MTCL1: variants seen among roughly 807,000 people sequenced by gnomAD.
MTCL1 encodes the protein microtubule crosslinking factor 1.
Under a neutral mutation model 141.4 loss-of-function variants are expected in MTCL1, and 79 were observed. The ratio of observed to expected loss-of-function variants is 0.56; its 90% CI spans 0.47 to 0.67. The LOEUF (loss-of-function observed/expected upper bound fraction) is 0.67. Among genes scored for constraint, MTCL1 ranks in the 30% least tolerant of loss-of-function variants. MTCL1 has a pLI of 0.00. For missense variants in MTCL1, 2,177 were observed against 2,113.9 expected (o/e 1.03, Z -0.59); for synonymous variants, 914 against 875.8 (o/e 1.04, Z -0.77).
At chr18:8,785,013 T>G (rs1488643996) in intron 6 of MTCL1, among the ~76,000 whole-genome samples, 170 bp downstream of exon 5, 3 of 71,702 alleles carry the variant, frequency 4.2e-5, no homozygotes, top group Non-Finnish European at 1.2e-4. Context: ...TTGGGCTCCG[T>G]TTTTTTTGTT....
intron 10 of MTCL1, among the ~76,000 whole-genome samples, chr18:8,799,922 T>C (rs1447534228): frequency 6.6e-6 from 1 of 152,228 alleles, no homozygotes; most frequent in African/African-American, 2.4e-5. Context: ...TTTTAGCGAT[T>C]ACCCACGAAA....
Position 8,828,938 on chromosome 18 carries a change from G to A in MTCL1, c.4753G>A (p.Gly1585Arg). The A allele has an allele frequency of 6.2e-7, 1 of 1,614,112 alleles. No homozygotes were observed. Among genetic ancestry groups the A allele is most frequent in the Non-Finnish European group, 8.5e-7 (1 of 1,180,036 alleles). The change falls in exon 16 of 17, where the codon GGA becomes AGA. Residue 1585 changes from glycine (G) to arginine (R), a missense_variant. Gly to Arg is a moderately radical substitution (Grantham distance 125, BLOSUM62 -2). Coordinates refer to ENST00000359865, the Ensembl canonical transcript of MTCL1. This position sits in a 1 kb window ranked among gnomAD's most constrained non-coding sequence, Gnocchi z 5.2. Reference sequence around the variant, plus strand: ...AACTGTCTTGCTAACTGCCCCCTGGGGACTCTAGCCCTGCCCGCCTCACGC... The same window carrying A: ...AACTGTCTTGCTAACTGCCCCCTGGAGACTCTAGCCCTGCCCGCCTCACGC...
upstream of MTCL1, among the ~76,000 whole-genome samples, chr18:8,716,059 A>T (rs2148790383): frequency 6.6e-6 from 1 of 152,342 alleles, no homozygotes; most frequent in African/African-American, 2.4e-5. Context: ...TCCATGGAGG[A>T]AAAAAGAAAT....
chr18:8,786,017 C>A lies in MTCL1; in HGVS notation c.1813C>A (p.Arg605=), dbSNP rs373316781. The change falls in exon 7 of 17, where the codon CGG becomes AGG. Residue 605 remains arginine, a synonymous_variant. Coordinates refer to ENST00000359865, the Ensembl canonical transcript of MTCL1. ...GGAGAGCCTGCGCCTCCGAGCCGCG[C>A]GGGAGCTGCACCGCCGCGCAGACGG... The A allele has an allele frequency of 9.3e-5, 147 of 1,584,090 alleles. No homozygotes were observed. The African/African-American group carries it at 1.8e-3, about 19-fold the overall frequency.
intron 4 of MTCL1, among the ~76,000 whole-genome samples, chr18:8,750,608 C>T (rs2096365939): frequency 6.6e-6 from 1 of 152,152 alleles, no homozygotes; most frequent in African/African-American, 2.4e-5. Context: ...TTGAATGCTA[C>T]CAGTTCTTCC....
intron 4 of MTCL1, among the ~76,000 whole-genome samples, chr18:8,740,178 T>C (rs2096294994): frequency 6.6e-6 from 1 of 152,240 alleles, no homozygotes; most frequent in Non-Finnish European, 1.5e-5. Context: ...ATCATAGTAA[T>C]TGGTTAGTCA....
intron 7 of MTCL1, chr18:8,787,064 CAGAG>C (rs143940518): frequency 3.9e-5 from 6 of 152,928 alleles, no homozygotes; most frequent in African/African-American, 1.4e-4. Flanking sequence ...GAGCCTGTGT[CAGAG>C]AGCTCTCCTC....
chr18:8,807,060 G>A, exon 11 of MTCL1: 1 of 1,611,748 alleles, frequency 6.2e-7, no homozygotes. Context: ...GTCTGGAACA[G>A]GTACCACCCT....
chr18:8,822,888 A>G lies in MTCL1; in HGVS notation c.3188+1390A>G, dbSNP rs2076891326. On this transcript the variant is annotated intron_variant, in intron 14 of 16. Coordinates refer to ENST00000359865, the Ensembl canonical transcript of MTCL1. The surrounding 1 kb of genome is among the most constrained non-coding windows in gnomAD (Gnocchi z 4.6). ...AGCCATCAACTTTTATGCTTTCAAA[A>G]GTAACACATGCTTGTTATAAAATGT... is the stretch of plus-strand genomic sequence containing the variant. Among the ~76,000 whole-genome samples, 2 of 152,130 alleles carry G rather than the reference A, an allele frequency of 1.3e-5. No individual in the cohort carries two copies. Among genetic ancestry groups the G allele is most frequent in the African/African-American group, 4.8e-5 (2 of 41,424 alleles).
At chr18:8,718,805 T>G (rs892389628) in intron 3 of MTCL1, among the ~76,000 whole-genome samples, 157 bp downstream of exon 2, 4 of 152,178 alleles carry the variant, frequency 2.6e-5, no homozygotes, top group African/African-American at 9.7e-5. Context: ...GTGTGTGTAG[T>G]TATATGACTT....
chr18:8,758,254 C>G (rs1486374603), intron 4 of MTCL1, among the ~76,000 whole-genome samples: 1 of 152,020 alleles, frequency 6.6e-6, no homozygotes, highest in Non-Finnish European at 1.5e-5. Flanking sequence ...AACTCCTGAC[C>G]TTAGGTGATC....
intron 4 of MTCL1, among the ~76,000 whole-genome samples, chr18:8,758,965 C>T (rs536498716): frequency 8.3e-4 from 126 of 152,276 alleles, no homozygotes; most frequent in African/African-American, 2.9e-3. Flanking sequence ...ACACCTCCTC[C>T]GAAGTTTCAG....
intron 10 of MTCL1, among the ~76,000 whole-genome samples, chr18:8,799,218 G>T (rs889313509): frequency 6.6e-6 from 1 of 152,176 alleles, no homozygotes; most frequent in Admixed American, 6.5e-5. Flanking sequence ...CCAGGCTCCC[G>T]AAGCCCAGAG....
At chr18:8,742,328 C>T (rs375600815) in intron 4 of MTCL1, among the ~76,000 whole-genome samples, 94 of 152,146 alleles carry the variant, frequency 6.2e-4, no homozygotes, top group Middle Eastern at 3.4e-3. Context: ...TGTATTAGTG[C>T]GTTCTCATGC....
At chr18:8,730,409 A>G (rs1293551686) in intron 4 of MTCL1, among the ~76,000 whole-genome samples, 3 of 152,160 alleles carry the variant, frequency 2.0e-5, no homozygotes, top group Non-Finnish European at 2.9e-5. Context: ...GAAAGAGCCA[A>G]AACATTATTT....
chr18:8,712,589 G>A (rs1243081312), upstream of MTCL1, among the ~76,000 whole-genome samples: 1 of 152,124 alleles, frequency 6.6e-6, no homozygotes, highest in Non-Finnish European at 1.5e-5. Flanking sequence ...CCTGACATTC[G>A]CTGTCCATAC....
At chr18:8,744,753 A>ACCACAGC (rs951539263) in intron 4 of MTCL1, among the ~76,000 whole-genome samples, 1 of 152,132 alleles carries the variant, frequency 6.6e-6, no homozygotes, top group Non-Finnish European at 1.5e-5. Context: ...TTGAGTAACC[A>ACCACAGC]CCACAGCCCC....
chr18:8,755,450 C>T (rs536704814), intron 4 of MTCL1, among the ~76,000 whole-genome samples: 1 of 152,280 alleles, frequency 6.6e-6, no homozygotes, highest in African/African-American at 2.4e-5. Flanking sequence ...GTGAGTGTTA[C>T]TCTTTATGAA....
intron 3 of MTCL1, among the ~76,000 whole-genome samples, chr18:8,719,026 A>T (rs1020689616): frequency 8.5e-5 from 13 of 152,204 alleles, no homozygotes; most frequent in African/African-American, 2.4e-4. Context: ...ATCACTTAAC[A>T]TTTTTTTATT....
Sources: allele counts gnomAD v4.1 joint callset (sites outside exome capture counted in the v4.1 genomes callset), GRCh38; gene constraint gnomAD v4.1.1; non-coding constraint Gnocchi (gnomAD v3.1); transcripts MANE v1.5; gene names NCBI Gene and HGNC (gene_info 2026-07-23, HGNC 2026-07-21).